Variants in DUSP14 observed in about 807,000 individuals in gnomAD.
DUSP14 encodes the protein dual specificity protein phosphatase 14.
A neutral mutation model predicts 13.2 loss-of-function variants in DUSP14; 5 were observed. The observed-to-expected ratio is 0.38, with a 90% CI of 0.20 to 0.80. The LOEUF is 0.80. Ranked by LOEUF, DUSP14 falls within the 30% of genes least tolerant of loss-of-function variation. The probability of loss-of-function intolerance (pLI) is 0.44; values close to 1 mark genes in which losing one functional copy is unlikely to be tolerated. For synonymous variants in DUSP14, 91 were observed against 103.4 expected (o/e 0.88, Z 0.73); for missense variants, 185 against 264.0 (o/e 0.70, Z 2.07).
intron 1 of DUSP14, among the ~76,000 whole-genome samples, chr17:37,500,082 C>T (rs1260862409): frequency 6.6e-6 from 1 of 152,260 alleles, no homozygotes; most frequent in African/African-American, 2.4e-5. Context: ...CGCCAGTTGC[C>T]TCCATCCCGC....
At chr17:37,501,352 G>A (rs190526558) in intron 1 of DUSP14, among the ~76,000 whole-genome samples, 17 of 152,284 alleles carry the variant, frequency 1.1e-4, no homozygotes, top group African/African-American at 3.4e-4. Flanking sequence ...TGCTGGAGCC[G>A]ATTCGGTAGG....
chr17:37,511,937 A>AGGTTTTTTTTTTTTTTTTT (rs1329764853), intron 2 of DUSP14, among the ~76,000 whole-genome samples: 1 of 16,436 alleles, frequency 6.1e-5, no homozygotes, highest in Non-Finnish European at 1.2e-4. Context: ...CCCCCACCCC[A>AGGTTTTTTTTTTTTTTTTT]CTTTTTTTTT....
chr17:37,497,223 A>C (rs990645271), intron 1 of DUSP14, among the ~76,000 whole-genome samples: 8 of 151,392 alleles, frequency 5.3e-5, no homozygotes, highest in Non-Finnish European at 1.2e-4. Flanking sequence ...GCTCACTGCA[A>C]CCTCCGCCCT....
chr17:37,504,178 A>G (rs2054122836), intron 1 of DUSP14, among the ~76,000 whole-genome samples: 1 of 152,202 alleles, frequency 6.6e-6, no homozygotes, highest in African/African-American at 2.4e-5. Flanking sequence ...TGAGTGACAG[A>G]GCAAGACACC....
upstream of DUSP14, chr17:37,489,849 C>CGGGCGGA (rs2148068057): frequency 6.8e-6 from 1 of 147,234 alleles, no homozygotes; most frequent in East Asian, 2.0e-4. Context: ...GCCCCGGGCG[C>CGGGCGGA]GGGCGGAGGG....
intron 1 of DUSP14, among the ~76,000 whole-genome samples, chr17:37,503,827 T>G (rs1287033641): frequency 6.6e-6 from 1 of 152,220 alleles, no homozygotes; most frequent in African/African-American, 2.4e-5. Context: ...GGCATGGTTT[T>G]TCCTGCTTAT....
upstream of DUSP14, among the ~76,000 whole-genome samples, chr17:37,488,706 T>C (rs1343381525): frequency 2.0e-5 from 3 of 152,344 alleles, no homozygotes; most frequent in East Asian, 1.9e-4. Flanking sequence ...CCCAGGATTA[T>C]GATTAAAATT....
At chr17:37,509,170 C>CTA (rs1225738958) in intron 1 of DUSP14, among the ~76,000 whole-genome samples, 16 of 48,220 alleles carry the variant, frequency 3.3e-4, no homozygotes, top group Non-Finnish European at 5.1e-4. Flanking sequence ...CACACACACT[C>CTA]TATATATATA....
chr17:37,509,232 CTATATACACACTATATATA>C (rs2054162135), intron 1 of DUSP14, among the ~76,000 whole-genome samples: 3 of 98,572 alleles, frequency 3.0e-5, no homozygotes, highest in Non-Finnish European at 5.9e-5. Flanking sequence ...TATATACACA[CTATATACACACTATATATA>C]TATATATATA....
Position 37,513,220 on chromosome 17 carries a change from C to CT in DUSP14, c.*354dup, listed in dbSNP as rs2054209215. On this transcript the variant is annotated 3_prime_UTR_variant, in exon 3 of 3. Coordinates refer to ENST00000617516, the MANE Select transcript of DUSP14 (RefSeq NM_007026.4). ...CAGGAGGAGCTCAGTGCAAAAATCA[C>CT]TTTGGGGCCTCATTAACCCTTTAGA... 7.8e-6 allele frequency: 2 copies of CT among 256,258 alleles called. No homozygotes were observed. The highest frequency in any genetic ancestry group is 2.3e-4 in the South Asian group (2 of 8,668). 15.9% of individuals were successfully genotyped at this position (256,258 alleles called of 1,614,324 possible). A position where few individuals can be genotyped will look rare whatever the true frequency, so the allele number is the denominator to read the frequency against.
chr17:37,512,093 C>T lies in DUSP14; in HGVS notation c.-92-88C>T, dbSNP rs1025041590. On this transcript the variant is annotated intron_variant, in intron 2 of 2. Coordinates refer to ENST00000617516, the MANE Select transcript of DUSP14 (RefSeq NM_007026.4). The surrounding 1 kb of genome is among the most constrained non-coding windows in gnomAD (Gnocchi z 4.8). ...TGTACTGTATTATTTAAAAAAAAAC[C>T]CTCTAATCTTCCCATTTGACAAATG... 3.0e-5 allele frequency: 17 copies of T among 571,844 alleles called. No homozygotes were observed. The highest frequency in any genetic ancestry group is 2.1e-4 in the African/African-American group (11 of 53,590). 35.4% of individuals were successfully genotyped at this position (571,844 alleles called of 1,614,324 possible).
At chr17:37,511,585 CTTTTTTT>C (rs533256343) in intron 2 of DUSP14, among the ~76,000 whole-genome samples, 2 of 87,312 alleles carry the variant, frequency 2.3e-5, no homozygotes, top group South Asian at 4.2e-4. Flanking sequence ...CTGGCCTTTC[CTTTTTTT>C]TTTTTTTTTT....
chr17:37,505,243 T>C (rs2054130479), intron 1 of DUSP14, among the ~76,000 whole-genome samples: 1 of 152,122 alleles, frequency 6.6e-6, no homozygotes, highest in African/African-American at 2.4e-5. Flanking sequence ...ATCAGAAATG[T>C]GGGCCGGACC....
At chr17:37,508,788 C>CT (rs71135733) in intron 1 of DUSP14, among the ~76,000 whole-genome samples, 103,264 of 144,320 alleles carry the variant, frequency 0.72, 37,525 homozygotes, top group East Asian at 0.97. Context: ...TATTTATAAA[C>CT]TTTTTTTTTC....
chr17:37,503,232 G>A (rs184877444), intron 1 of DUSP14, among the ~76,000 whole-genome samples: 24 of 152,256 alleles, frequency 1.6e-4, no homozygotes, highest in African/African-American at 5.3e-4. Flanking sequence ...TGAGACCAGC[G>A]TGGGCAACAT....
chr17:37,512,922 C>T lies in DUSP14; in HGVS notation c.*53C>T. 7.0e-7 allele frequency: 1 copy of T among 1,422,560 alleles called. No homozygotes were observed. Among genetic ancestry groups the T allele is most frequent in the Non-Finnish European group, 9.7e-7 (1 of 1,031,070 alleles). The allele number at this position is 1,422,560 out of a possible 1,614,324, so 88.1% of individuals were successfully genotyped here. Reference sequence around the variant, plus strand: ...GAGCGGGGCCGGCATCTGCTCCCCGCCGTCTGCTCCCTCTCCACTCTCTTC... The same window carrying T: ...GAGCGGGGCCGGCATCTGCTCCCCGTCGTCTGCTCCCTCTCCACTCTCTTC... On this transcript the variant is annotated 3_prime_UTR_variant, in exon 3 of 3. Transcript: ENST00000617516. This position sits in a 1 kb window ranked among gnomAD's most constrained non-coding sequence, Gnocchi z 4.8.
In DUSP14 at chr17:37,512,478, C is replaced by T. The variant is rs1193631769; in HGVS notation, c.206C>T (p.Pro69Leu). Residue 69 changes from proline to leucine, a missense_variant, in exon 3 of 3, where the codon CCC (proline) becomes CTC (leucine). Coordinates refer to ENST00000617516, the MANE Select transcript of DUSP14 (RefSeq NM_007026.4). The surrounding 1 kb of genome is among the most constrained non-coding windows in gnomAD (Gnocchi z 4.8). ...ATTGAGATCCCTAATTTCAACTGGC[C>T]CCAATTTGAGTATGTTAAAGTGCCT... ...ATIEIPNFNW[P>L]QFEYVKVPLA... The T allele has an allele frequency of 6.2e-7, 1 of 1,614,024 alleles. No homozygotes were observed. Among genetic ancestry groups the T allele is most frequent in the Non-Finnish European group, 8.5e-7 (1 of 1,180,044 alleles).
intron 1 of DUSP14, among the ~76,000 whole-genome samples, chr17:37,493,708 A>G (rs1419388730): frequency 6.6e-6 from 1 of 150,948 alleles, no homozygotes; most frequent in Non-Finnish European, 1.5e-5. Flanking sequence ...GAGTAGTTAC[A>G]GGAAATTTTA....
chr17:37,490,940 A>G (rs1374038303), intron 1 of DUSP14, among the ~76,000 whole-genome samples: 8 of 152,178 alleles, frequency 5.3e-5, no homozygotes, highest in Non-Finnish European at 1.0e-4. Context: ...CCTAGTCCCT[A>G]AGGCCACTCA....
Sources: allele counts gnomAD v4.1 joint callset (sites outside exome capture counted in the v4.1 genomes callset), GRCh38; gene constraint gnomAD v4.1.1; non-coding constraint Gnocchi (gnomAD v3.1); transcripts MANE v1.5; gene names NCBI Gene and HGNC (gene_info 2026-07-23, HGNC 2026-07-21).